TMEM196: variants seen among roughly 807,000 people sequenced by gnomAD.
TMEM196 encodes transmembrane protein 196.
In TMEM196, 17 loss-of-function variants were observed where a neutral mutation model predicts 20.0. The observed-to-expected ratio is 0.85, with a 90% CI of 0.58 to 1.27. The LOEUF (loss-of-function observed/expected upper bound fraction) is 1.27, where lower values mean the gene tolerates loss of function less well. Ranked by LOEUF, TMEM196 falls within the 50% of genes most tolerant of loss-of-function variation. The probability of loss-of-function intolerance (pLI) is 0.00; values close to 1 mark genes in which losing one functional copy is unlikely to be tolerated. For missense variants in TMEM196, 267 were observed against 223.0 expected, an observed-to-expected ratio of 1.20 and a Z score of -1.26; for synonymous variants, 113 against 88.9, an observed-to-expected ratio of 1.27 and a Z score of -1.52.
chr7:19,743,738 G>A (rs1297872015), intron 1 of TMEM196, among the ~76,000 whole-genome samples: 1 of 152,096 alleles, frequency 6.6e-6, no homozygotes, highest in African/African-American at 2.4e-5. Context: ...GTTCAAACTG[G>A]TTTTAAAGGA....
intron 1 of TMEM196, among the ~76,000 whole-genome samples, chr7:19,751,853 G>T (rs12700075): frequency 0.14 from 21,078 of 152,012 alleles, 1,804 homozygotes; most frequent in East Asian, 0.42. Flanking sequence ...ATCCATGGAG[G>T]CAGATTTTCC....
At chr7:19,755,446 T>C (rs1785171175) in intron 1 of TMEM196, among the ~76,000 whole-genome samples, 1 of 152,210 alleles carries the variant, frequency 6.6e-6, no homozygotes, top group Non-Finnish European at 1.5e-5. Context: ...AGTCTTCCCT[T>C]GCCTGGAACA....
At chr7:19,725,389 A>T in intron 3 of TMEM196, 125 bp downstream of exon 3, 1 of 1,284,608 alleles carries the variant, frequency 7.8e-7, no homozygotes, top group Non-Finnish European at 1.0e-6. Flanking sequence ...TTCTTAACCC[A>T]ATAGAGCCAA....
intron 1 of TMEM196, among the ~76,000 whole-genome samples, chr7:19,767,250 G>T (rs148058206): frequency 6.6e-6 from 1 of 152,110 alleles, no homozygotes; most frequent in Non-Finnish European, 1.5e-5. Flanking sequence ...ATTTACACCA[G>T]AAATAAACAC....
intron 1 of TMEM196, among the ~76,000 whole-genome samples, chr7:19,750,494 G>C (rs892635226): frequency 2.0e-5 from 3 of 151,536 alleles, no homozygotes; most frequent in African/African-American, 2.4e-5. Context: ...ACACATATTC[G>C]TATCTCACAA....
chr7:19,738,936 G>A (rs1342057849), intron 1 of TMEM196, among the ~76,000 whole-genome samples: 1 of 152,036 alleles, frequency 6.6e-6, no homozygotes, highest in Admixed American at 6.6e-5. Context: ...GTACCATATG[G>A]GAAAGGAGAA....
rs1322803021 is a variant in TMEM196 at position 19,725,494 on chromosome 7, G to A, written c.459+20C>T. On this transcript the variant is annotated intron_variant, in intron 3 of 4. Transcript: ENST00000405844. Reference sequence around the variant, plus strand: ...TCTTCATCATGTGCTAGCAGTGAGAGGAAAAGGTACAAAACTCACTTTCTC... The same window carrying A: ...TCTTCATCATGTGCTAGCAGTGAGAAGAAAAGGTACAAAACTCACTTTCTC... 2 of 1,592,054 alleles carry A rather than the reference G, an allele frequency of 1.3e-6. No individual in the cohort carries two copies. Among genetic ancestry groups the A allele is most frequent in the East Asian group, 4.5e-5 (2 of 44,318 alleles).
At chr7:19,746,563 T>C (rs1784758943) in intron 1 of TMEM196, among the ~76,000 whole-genome samples, 1 of 152,224 alleles carries the variant, frequency 6.6e-6, no homozygotes, top group South Asian at 2.1e-4. Flanking sequence ...TGAATATAAA[T>C]TACTGAACTC....
intron 1 of TMEM196, among the ~76,000 whole-genome samples, chr7:19,736,208 G>T (rs904962219): frequency 2.6e-5 from 4 of 151,404 alleles, no homozygotes; most frequent in Non-Finnish European, 4.4e-5. Context: ...CACACAAAAT[G>T]CACATAAAAA....
intron 1 of TMEM196, among the ~76,000 whole-genome samples, chr7:19,738,513 T>C (rs1265714107): frequency 1.3e-5 from 2 of 152,036 alleles, no homozygotes; most frequent in African/African-American, 4.8e-5. Context: ...CAGATCTTGG[T>C]TTCTAATACC....
At chr7:19,739,159 T>C (rs1414863902) in intron 1 of TMEM196, among the ~76,000 whole-genome samples, 1 of 152,040 alleles carries the variant, frequency 6.6e-6, no homozygotes, top group Non-Finnish European at 1.5e-5. Context: ...ATTAAAAGTA[T>C]GAAAATTGCA....
chr7:19,766,726 T>TAC (rs373208482), intron 1 of TMEM196, among the ~76,000 whole-genome samples: 2,282 of 150,498 alleles, frequency 0.015, 53 homozygotes, highest in Middle Eastern at 0.062. Context: ...TGCAAGTGCA[T>TAC]ACACACACAC....
At position 19,738,223 on chromosome 7, in the gene TMEM196, C is replaced by T. The variant is rs114353418; in HGVS notation, c.148-8785G>A. Among the ~76,000 whole-genome samples, 244 of 151,952 alleles carry T rather than the reference C, an allele frequency of 1.6e-3. 1 individual carries two copies. The highest frequency in any genetic ancestry group is 0.011 in the East Asian group (56 of 5,164). On this transcript the variant is annotated intron_variant, in intron 1 of 4. Coordinates refer to ENST00000405844, the MANE Select transcript of TMEM196 (RefSeq NM_001363562.2). ...CTGAAATTGAACAATTAAGTAAATG[C>T]GTAGATGGTAAAAGCCAGATTTCTT...
At chr7:19,746,679 G>C in intron 1 of TMEM196, among the ~76,000 whole-genome samples, 1 of 152,096 alleles carries the variant, frequency 6.6e-6, no homozygotes, top group Admixed American at 6.5e-5. Context: ...CTTTTCTTTT[G>C]ATTAAAGATC....
At chr7:19,769,772 C>T (rs1785789391) in intron 1 of TMEM196, among the ~76,000 whole-genome samples, 1 of 152,034 alleles carries the variant, frequency 6.6e-6, no homozygotes, top group African/African-American at 2.4e-5. Context: ...ATAGCATTTA[C>T]ATGTTTTAGG....
intron 3 of TMEM196, 133 bp from the exon 4 acceptor site, chr7:19,724,486 C>A (rs1479483470): frequency 6.5e-6 from 5 of 772,466 alleles, no homozygotes; most frequent in Non-Finnish European, 8.3e-6. Flanking sequence ...CTATTTTTAA[C>A]AATCATTTCT....
chr7:19,725,545 G>C lies in TMEM196; in HGVS notation c.428C>G (p.Ser143Cys), dbSNP rs867272443. The change falls in exon 3 of 5, where the codon TCC (serine) becomes TGC (cysteine). Residue 143 changes from serine (S) to cysteine (C), a missense_variant. Transcript: ENST00000405844. ...QRRMFSEREH[S>C]LHHSHEMAEK... ...AGCCATTTCATGAGAGTGATGCAGG[G>C]AATGCTCCCTTTCTGAGAACATCCT... The C allele has an allele frequency of 6.2e-7, 1 of 1,612,926 alleles. No homozygotes were observed. Among genetic ancestry groups the C allele is most frequent in the Admixed American group, 1.7e-5 (1 of 59,960 alleles).
At chr7:19,723,862 G>C (rs576848915) in intron 4 of TMEM196, among the ~76,000 whole-genome samples, 1 of 152,148 alleles carries the variant, frequency 6.6e-6, no homozygotes, top group Admixed American at 6.6e-5. Context: ...TACCGTATTA[G>C]TGTCCAACTT....
intron 1 of TMEM196, among the ~76,000 whole-genome samples, chr7:19,769,274 C>T (rs1270869477): frequency 6.6e-6 from 1 of 152,026 alleles, no homozygotes; most frequent in Non-Finnish European, 1.5e-5. Flanking sequence ...TAGCTTTCTT[C>T]TGCATTTCCT....
Sources: gnomAD v4.1 joint callset for allele counts (sites outside exome capture counted in the v4.1 genomes callset) on GRCh38, gnomAD v4.1.1 for gene constraint, MANE v1.5 for transcripts, NCBI Gene and HGNC (gene_info 2026-07-23, HGNC 2026-07-21) for gene names.